The following ASB9 variants were observed in gnomAD, a reference collection of about 807,000 sequenced individuals.
The protein encoded by ASB9 is ankyrin repeat and SOCS box protein 9.
In ASB9, 5 loss-of-function variants were observed where a neutral mutation model predicts 16.6. The observed-to-expected ratio is 0.30, with a 90% confidence interval of 0.16 to 0.63. The LOEUF (loss-of-function observed/expected upper bound fraction) is 0.63. Among genes scored for constraint, ASB9 ranks in the 30% least tolerant of loss-of-function variants. The pLI, the probability that ASB9 is intolerant of heterozygous loss-of-function variation, is 0.82. For missense variants in ASB9, 216 were observed against 229.4 expected (o/e 0.94, Z 0.38); for synonymous variants, 100 against 86.4 (o/e 1.16, Z -0.87).
chrX:15,253,510 G>A (rs1442460100), intron 3 of ASB9, among the ~76,000 whole-genome samples: 1 of 110,633 alleles, frequency 9.0e-6, no homozygotes, highest in African/African-American at 3.3e-5. Flanking sequence ...TGAGGCAGGA[G>A]TATCACTCGA....
intron 2 of ASB9, among the ~76,000 whole-genome samples, chrX:15,256,559 C>T (rs1408290864): frequency 9.3e-6 from 1 of 107,138 alleles, no homozygotes; most frequent in Non-Finnish European, 1.9e-5. Context: ...AGGCGGATCA[C>T]GAGGTCAGGA....
At chrX:15,251,525 A>G (rs1328061684) in intron 4 of ASB9, among the ~76,000 whole-genome samples, 1 of 112,396 alleles carries the variant, frequency 8.9e-6, no homozygotes, top group Non-Finnish European at 1.9e-5. Context: ...CTCAATAAAT[A>G]ATATTAATGC....
intron 3 of ASB9, among the ~76,000 whole-genome samples, chrX:15,253,032 G>A (rs1480852449): frequency 9.0e-6 from 1 of 110,719 alleles, no homozygotes; most frequent in Non-Finnish European, 1.9e-5. Flanking sequence ...TCAGGAGTTC[G>A]AGACCAGCCT....
Position 15,244,408 on chromosome X carries a change from A to G in ASB9, c.*98T>C. 1 of 979,052 alleles carries G rather than the reference A, an allele frequency of 1.0e-6. No individual in the cohort carries two copies. The highest frequency in any genetic ancestry group is 1.4e-6 in the Non-Finnish European group (1 of 706,854). 80.7% of individuals were successfully genotyped at this position (979,052 alleles called of 1,213,427 possible). A position where few individuals can be genotyped will look rare whatever the true frequency, so the allele number is the denominator to read the frequency against. ...AAATACAAATCTAATCGAAAAAACTAGTCAAACTCTATAAATCCAACTTGA... is the reference window on the plus strand; with the variant it reads ...AAATACAAATCTAATCGAAAAAACTGGTCAAACTCTATAAATCCAACTTGA... On this transcript the variant is annotated 3_prime_UTR_variant, in exon 7 of 7. Coordinates refer to ENST00000380488, the MANE Select transcript of ASB9 (RefSeq NM_001031739.3).
intron 1 of ASB9, among the ~76,000 whole-genome samples, chrX:15,263,588 TTCTCTC>T (rs10578883): frequency 3.4e-4 from 34 of 100,575 alleles, no homozygotes; most frequent in Non-Finnish European, 5.4e-4. Flanking sequence ...TCCCTCTCTC[TTCTCTC>T]TCTCTCTCTC....
intron 6 of ASB9, among the ~76,000 whole-genome samples, chrX:15,247,715 A>G (rs771841468): frequency 4.4e-5 from 5 of 112,383 alleles, no homozygotes; most frequent in Non-Finnish European, 9.4e-5. Context: ...GAACTGCTCC[A>G]TGATTATCCC....
chrX:15,269,683 G>A, intron 1 of ASB9, 98 bp downstream of exon 1: 1 of 618,708 alleles, frequency 1.6e-6, no homozygotes, highest in Non-Finnish European at 2.5e-6. Flanking sequence ...ACAGCCCCAT[G>A]GACACCTCAC....
chrX:15,254,805 G>A lies in ASB9; in HGVS notation c.214C>T (p.Pro72Ser), dbSNP rs1417004010. Residue 72 changes from proline to serine, a missense_variant, in exon 3 of 7, where the codon CCA (proline) becomes TCA (serine). Transcript: ENST00000380488. Reference protein sequence around the residue: ...VNIITADHVSPLHEACLGGHL... With the variant: ...VNIITADHVSSLHEACLGGHL... ...CCTCCAAGACAGGCTTCATGGAGTG[G>A]GGAAACATGATCTGCCGTGATGATG... 8.3e-7 allele frequency: 1 copy of A among 1,210,611 alleles called. No individual in the cohort carries two copies. Among genetic ancestry groups the A allele is most frequent in the Non-Finnish European group, 1.1e-6 (1 of 894,881 alleles).
intron 1 of ASB9, 137 bp downstream of exon 1, chrX:15,269,644 A>G (rs1355156087): frequency 5.2e-6 from 2 of 385,783 alleles, no homozygotes; most frequent in East Asian, 4.4e-5. Flanking sequence ...AAGAATATAT[A>G]CCAGTGAGCT....
chrX:15,268,481 T>C (rs1926725715), intron 1 of ASB9, among the ~76,000 whole-genome samples: 1 of 96,863 alleles, frequency 1.0e-5, no homozygotes, highest in Non-Finnish European at 2.1e-5. Context: ...GCTGGAGTGC[T>C]GTGGCGAGAT....
intron 6 of ASB9, among the ~76,000 whole-genome samples, chrX:15,247,083 G>A (rs751598898): frequency 5.4e-5 from 6 of 111,594 alleles, no homozygotes; most frequent in African/African-American, 1.3e-4. Context: ...CCCAGGAAAC[G>A]GAGAAACAGG....
intron 1 of ASB9, among the ~76,000 whole-genome samples, chrX:15,264,797 T>G (rs1012739980): frequency 8.9e-6 from 1 of 111,948 alleles, no homozygotes; most frequent in African/African-American, 3.3e-5. Flanking sequence ...GCAGGACTGA[T>G]GCAAAGCAGA....
intron 3 of ASB9, among the ~76,000 whole-genome samples, chrX:15,254,274 A>G (rs1925362831): frequency 8.9e-6 from 1 of 112,001 alleles, no homozygotes; most frequent in African/African-American, 3.2e-5. Flanking sequence ...CAAGCCCATA[A>G]TTTTCCCCAA....
intron 1 of ASB9, among the ~76,000 whole-genome samples, chrX:15,262,071 T>C (rs981791313): frequency 2.7e-5 from 3 of 111,446 alleles, no homozygotes; most frequent in Non-Finnish European, 5.6e-5. Flanking sequence ...GCTTCTTTTA[T>C]TTAGCATGTT....
At chrX:15,254,644 A>C (rs1311899347) in intron 3 of ASB9, 93 bp downstream of exon 3, 7 of 640,145 alleles carry the variant, frequency 1.1e-5, no homozygotes, top group Non-Finnish European at 1.7e-5. Flanking sequence ...ATTTCAAATC[A>C]GTCTAATCAA....
intron 5 of ASB9, 92 bp downstream of exon 5, chrX:15,250,338 A>G (rs1925003003): frequency 9.8e-7 from 1 of 1,023,189 alleles, no homozygotes; most frequent in Admixed American, 2.6e-5. Context: ...CATTGCCCAC[A>G]CTAATTTCTC....
At position 15,250,599 on chromosome X, in the gene ASB9, T is replaced by C. The variant is rs757699206; in HGVS notation, c.434-35A>G. ...AAAGCAGGAAGAAAAACAGTTACAA[T>C]ACAAGTTCCCTTAGCTAGAAAGACA... On this transcript the variant is annotated intron_variant, in intron 4 of 6. Coordinates refer to ENST00000380488, the MANE Select transcript of ASB9 (RefSeq NM_001031739.3). The C allele has an allele frequency of 4.3e-6, 5 of 1,169,535 alleles. No individual in the cohort carries two copies. In the South Asian group the frequency reaches 1.0e-4, roughly 24 times the overall value.
chrX:15,259,020 A>T (rs779911017), intron 1 of ASB9, 75 bp from the exon 2 acceptor site: 1 of 825,932 alleles, frequency 1.2e-6, no homozygotes, highest in Non-Finnish European at 1.8e-6. Context: ...GCCCATCAAT[A>T]AGAGCCTAAC....
At chrX:15,267,429 T>C (rs369234935) in intron 1 of ASB9, among the ~76,000 whole-genome samples, 9,235 of 66,637 alleles carry the variant, frequency 0.14, 1 homozygote, top group African/African-American at 0.24. Flanking sequence ...TATATATATA[T>C]ATATAATTAT....
Sources: allele counts gnomAD v4.1 joint callset (sites outside exome capture counted in the v4.1 genomes callset), GRCh38; gene constraint gnomAD v4.1.1; transcripts MANE v1.5; gene names NCBI Gene and HGNC (gene_info 2026-07-23, HGNC 2026-07-21).